The following DNMT3A variants were observed in gnomAD, a reference collection of about 807,000 sequenced individuals.
DNMT3A encodes the protein DNA methyltransferase 3 alpha.
DNMT3A carries 267 observed loss-of-function variants against 117.6 expected under a neutral mutation model. The observed-to-expected ratio is 2.27, with a 90% CI of 2.05 to 2.51. DNMT3A has a LOEUF of 2.51. Among genes scored for constraint, DNMT3A ranks in the 30% most tolerant of loss-of-function variants. The pLI is 0.00. For synonymous variants in DNMT3A, 432 were observed against 474.8 expected (o/e 0.91, Z 1.17); for missense variants, 1,029 against 1,260.2 (o/e 0.82, Z 2.78).
intron 4 of DNMT3A, among the ~76,000 whole-genome samples, chr2:25,278,106 G>T (rs1232924300): frequency 6.6e-6 from 1 of 152,054 alleles, no homozygotes; most frequent in African/African-American, 2.4e-5. Context: ...GTCAGGGAGG[G>T]TCAGCTGCTC....
rs1166321684 is a variant in DNMT3A, at chr2:25,305,346, C to T, written c.73-5103G>A. 1.3e-5 allele frequency among the ~76,000 whole-genome samples: 2 copies of T among 152,202 alleles called. No individual in the cohort carries two copies. Among genetic ancestry groups the T allele is most frequent in the African/African-American group, 2.4e-5 (1 of 41,438 alleles). On this transcript the variant is annotated intron_variant, in intron 2 of 22. Coordinates refer to ENST00000321117, the MANE Select transcript of DNMT3A (RefSeq NM_022552.5). The surrounding 1 kb of genome is among the most constrained non-coding windows in gnomAD (Gnocchi z 4.1). ...TCCTCTCTCTAAACATCTGAGGCTACGATCTGACCTACATTTCAACACTGC... is the reference window on the plus strand; with the variant it reads ...TCCTCTCTCTAAACATCTGAGGCTATGATCTGACCTACATTTCAACACTGC...
At chr2:25,290,765 C>A (rs1436777678) in intron 3 of DNMT3A, among the ~76,000 whole-genome samples, 3 of 150,708 alleles carry the variant, frequency 2.0e-5, no homozygotes, top group African/African-American at 4.9e-5. Flanking sequence ...GGCTGCAGCC[C>A]ACCTGCAGCG....
intron 6 of DNMT3A, among the ~76,000 whole-genome samples, chr2:25,248,991 C>T (rs570864570): frequency 4.5e-4 from 69 of 152,186 alleles, no homozygotes; most frequent in African/African-American, 1.6e-3. Context: ...AGCATTATAC[C>T]GTATATCTCC....
At position 25,234,497 on chromosome 2, in the gene DNMT3A, C is replaced by A; in HGVS notation, c.2598-77G>T. On this transcript the variant is annotated intron_variant, in intron 22 of 22. Coordinates refer to ENST00000321117, the MANE Select transcript of DNMT3A (RefSeq NM_022552.5). This position sits in a 1 kb window ranked among gnomAD's most constrained non-coding sequence, Gnocchi z 4.5. ...GCCCGGAAGCCGTCTAACCACACAG[C>A]AGGACCCGGAGGACCAGCAGCCACC... 1 of 1,510,796 alleles carries A rather than the reference C, an allele frequency of 6.6e-7. No homozygotes were observed. Among genetic ancestry groups the A allele is most frequent in the Non-Finnish European group, 8.9e-7 (1 of 1,122,478 alleles). The allele number at this position is 1,510,796 out of a possible 1,614,324, so 93.6% of individuals were successfully genotyped here.
intron 1 of DNMT3A, among the ~76,000 whole-genome samples, chr2:25,319,839 G>A (rs546054784): frequency 6.6e-5 from 10 of 150,670 alleles, no homozygotes; most frequent in African/African-American, 2.4e-4. Flanking sequence ...GCGCATTCTC[G>A]GCTCACCACA....
At chr2:25,270,633 G>A (rs2030793109) in intron 6 of DNMT3A, among the ~76,000 whole-genome samples, 1 of 152,032 alleles carries the variant, frequency 6.6e-6, no homozygotes, top group Admixed American at 6.6e-5. Context: ...ATCTAGGAGG[G>A]TGGGTAAGGG....
chr2:25,323,495 T>G (rs1258866004), intron 1 of DNMT3A, among the ~76,000 whole-genome samples: 1 of 152,224 alleles, frequency 6.6e-6, no homozygotes, highest in African/African-American at 2.4e-5. Flanking sequence ...TCTTACCAGC[T>G]GTGTGGCCTG....
chr2:25,272,751 G>A (rs1373481424), intron 6 of DNMT3A, among the ~76,000 whole-genome samples: 1 of 151,238 alleles, frequency 6.6e-6, no homozygotes, highest in African/African-American at 2.4e-5. Flanking sequence ...GGATCCCAGA[G>A]GAAAAGAAAA....
At chr2:25,341,698 C>G in intron 1 of DNMT3A, 128 bp downstream of exon 1, 1 of 686,376 alleles carries the variant, frequency 1.5e-6, no homozygotes, top group Non-Finnish European at 1.8e-6. Flanking sequence ...CGCCCGGCGC[C>G]GAGTTGCAGG....
chr2:25,300,305 CCT>C (rs2033357224), intron 2 of DNMT3A, 62 bp from the exon 3 acceptor site: 1 of 1,561,140 alleles, frequency 6.4e-7, no homozygotes, highest in South Asian at 1.1e-5. Context: ...GCATTCCAGG[CCT>C]GTCTGGGGCT....
intron 2 of DNMT3A, among the ~76,000 whole-genome samples, chr2:25,307,311 G>C (rs549960365): frequency 1.7e-4 from 26 of 152,150 alleles, no homozygotes; most frequent in African/African-American, 5.8e-4. Context: ...CTGGGACACT[G>C]CTCCACCACT....
At position 25,275,560 on chromosome 2, in the gene DNMT3A, A is replaced by G. The variant is rs766154097; in HGVS notation, c.449-17T>C. ...GTTCTTTGCCTGTGGAGAGGGAAGA[A>G]CAAAGGGACCAGTTCGTTGGTCGGC... On this transcript the variant is annotated splice_polypyrimidine_tract_variant and intron_variant, in intron 4 of 22. Coordinates refer to ENST00000321117, the MANE Select transcript of DNMT3A (RefSeq NM_022552.5). The G allele has an allele frequency of 7.7e-6, 12 of 1,563,964 alleles. No homozygotes were observed. Among genetic ancestry groups the G allele is most frequent in the African/African-American group, 1.4e-5 (1 of 70,930 alleles).
Position 25,236,833 on chromosome 2 carries a change from TA to T in DNMT3A, c.2478+102del. The T allele has an allele frequency of 8.1e-7, 1 of 1,236,428 alleles. No homozygotes were observed. The highest frequency in any genetic ancestry group is 1.5e-5 in the African/African-American group (1 of 66,784). 76.6% of individuals were successfully genotyped at this position (1,236,428 alleles called of 1,614,324 possible). Reference sequence around the variant, plus strand: ...GTCTCCTAAATTGCATTCTCCACACTAGCTGGAGAAGCAGGCGGGACAAGGC... The same window carrying T: ...GTCTCCTAAATTGCATTCTCCACACTGCTGGAGAAGCAGGCGGGACAAGGC... On this transcript the variant is annotated intron_variant, in intron 21 of 22. Coordinates refer to ENST00000321117, the MANE Select transcript of DNMT3A (RefSeq NM_022552.5). The surrounding 1 kb of genome is among the most constrained non-coding windows in gnomAD (Gnocchi z 4.5).
At chr2:25,258,796 A>G (rs568588306) in intron 6 of DNMT3A, among the ~76,000 whole-genome samples, 1 of 152,324 alleles carries the variant, frequency 6.6e-6, no homozygotes, top group South Asian at 2.1e-4. Context: ...TCTAGGGGGC[A>G]TCTGTAACTG....
At position 25,282,696 on chromosome 2, in the gene DNMT3A, T is replaced by C; in HGVS notation, c.193A>G (p.Thr65Ala). The C allele has an allele frequency of 6.5e-7, 1 of 1,532,122 alleles. No homozygotes were observed. Among genetic ancestry groups the C allele is most frequent in the Non-Finnish European group, 8.8e-7 (1 of 1,138,698 alleles). 94.9% of individuals were successfully genotyped at this position (1,532,122 alleles called of 1,614,324 possible). A position where few individuals can be genotyped will look rare whatever the true frequency, so the allele number is the denominator to read the frequency against. ...RKHPPVESGD[T>A]PKDPAVISKS... is the part of the protein sequence containing the mutation. ...GAGATCACCGCAGGGTCCTTTGGCG[T>C]GTCACCGCTTTCCACCTGCAAATGT... Residue 65 changes from threonine (T) to alanine (A), a missense_variant, in exon 4 of 23, where the codon ACG (threonine) becomes GCG (alanine). Coordinates refer to ENST00000321117, the MANE Select transcript of DNMT3A (RefSeq NM_022552.5). This position sits in a 1 kb window ranked among gnomAD's most constrained non-coding sequence, Gnocchi z 5.2.
At chr2:25,253,941 G>A (rs1353077656) in intron 6 of DNMT3A, among the ~76,000 whole-genome samples, 4 of 152,198 alleles carry the variant, frequency 2.6e-5, no homozygotes, top group South Asian at 2.1e-4. Flanking sequence ...GCGTGGTGGC[G>A]TGCGCCAGTA....
intron 3 of DNMT3A, among the ~76,000 whole-genome samples, chr2:25,291,077 C>A (rs1207755629): frequency 2.6e-5 from 4 of 152,314 alleles, no homozygotes; most frequent in Non-Finnish European, 5.9e-5. Context: ...ACACCCACTG[C>A]CAGCCACAGG....
chr2:25,285,958 G>C (rs2032280793), intron 3 of DNMT3A, among the ~76,000 whole-genome samples: 1 of 152,224 alleles, frequency 6.6e-6, no homozygotes, highest in African/African-American at 2.4e-5. Context: ...GTATGCGTGG[G>C]GTCCTGCCTG....
chr2:25,263,399 GCCT>G (rs780332519), intron 6 of DNMT3A, among the ~76,000 whole-genome samples: 13 of 152,142 alleles, frequency 8.5e-5, no homozygotes, highest in Non-Finnish European at 1.6e-4. Context: ...AAACATTCCT[GCCT>G]CCTCCACTTG....
Sources: gnomAD v4.1 joint callset for allele counts (sites outside exome capture counted in the v4.1 genomes callset) on GRCh38, gnomAD v4.1.1 for gene constraint, Gnocchi (gnomAD v3.1) non-coding constraint, MANE v1.5 for transcripts, NCBI Gene and HGNC (gene_info 2026-07-23, HGNC 2026-07-21) for gene names.